The following NAV1 variants were observed in gnomAD, a reference collection of about 807,000 sequenced individuals.
The protein encoded by NAV1 is pore membrane and/or filament interacting like protein 3.
A neutral mutation model predicts 175.2 loss-of-function variants in NAV1; 18 were observed. The ratio of observed to expected loss-of-function variants is 0.10; its 90% CI spans 0.07 to 0.15. NAV1 has a LOEUF of 0.15. Among genes scored for constraint, NAV1 ranks in the 10% least tolerant of loss-of-function variants. The pLI is 1.00. For missense variants in NAV1, 1,731 were observed against 2,436.6 expected (o/e 0.71, Z 6.10); for synonymous variants, 897 against 978.7 (o/e 0.92, Z 1.56).
chr1:201,752,954 G>T (rs1479774786), intron 3 of NAV1, among the ~76,000 whole-genome samples: 2 of 152,040 alleles, frequency 1.3e-5, no homozygotes, highest in African/African-American at 2.4e-5. Flanking sequence ...TGCTAGTTTT[G>T]CACTGTTATT....
At chr1:201,794,238 G>C (rs544378169) in intron 14 of NAV1, 4 of 633,540 alleles carry the variant, frequency 6.3e-6, no homozygotes, top group South Asian at 4.5e-5. Flanking sequence ...TGCAAACTCT[G>C]CCTCCCAGGT....
chr1:201,817,421 T>A, intron 29 of NAV1, 136 bp downstream of exon 33: 1 of 733,140 alleles, frequency 1.4e-6, no homozygotes, highest in Non-Finnish European at 2.2e-6. Context: ...AAAACCAGCC[T>A]GGGCAACATA....
At chr1:201,809,365 C>T in intron 21 of NAV1, 77 bp from the exon 26 acceptor site, 1 of 1,586,702 alleles carries the variant, frequency 6.3e-7, no homozygotes, top group Non-Finnish European at 8.6e-7. Context: ...GAACTCAACT[C>T]CTAAGGCCTT....
At position 201,786,418 on chromosome 1, in the gene NAV1, G is replaced by T. The variant is rs1229955763; in HGVS notation, c.2847-11G>T. The T allele has an allele frequency of 6.2e-7, 1 of 1,609,432 alleles. No homozygotes were observed. The highest frequency in any genetic ancestry group is 2.2e-5 in the East Asian group (1 of 44,776). ...TAGTCCCAGACTGAGTTCTTCTGCT[G>T]CTTCCTACAGGTACCAGCTTCAGTC... is the stretch of plus-strand genomic sequence containing the variant. On this transcript the variant is annotated splice_polypyrimidine_tract_variant and intron_variant, in intron 8 of 29. Transcript: ENST00000367296.
At position 201,585,564 on chromosome 1, in the gene NAV1, A is replaced by G. The variant is rs1667001046; in HGVS notation, c.-143-2975A>G. Among the ~76,000 whole-genome samples the G allele has an allele frequency of 1.4e-4, 22 of 152,190 alleles. 1 individual carries two copies. Among genetic ancestry groups the G allele is most frequent in the Admixed American group, 1.4e-3 (21 of 15,276 alleles). ...AGGAAAAAAAATTTGCAAATCTTATATCTGATAAGGGTCTAGTATGTGGAA... is the reference window on the plus strand; with the variant it reads ...AGGAAAAAAAATTTGCAAATCTTATGTCTGATAAGGGTCTAGTATGTGGAA... On this transcript the variant is annotated intron_variant, in intron 1 of 33. Transcript: ENST00000685211.
At chr1:201,572,613 C>T (rs1313822822) in intron 1 of NAV1, among the ~76,000 whole-genome samples, 1 of 152,038 alleles carries the variant, frequency 6.6e-6, no homozygotes, top group Non-Finnish European at 1.5e-5. Context: ...CATGATCCAC[C>T]CGCCTCAGCC....
At chr1:201,706,668 C>T (rs1671682821) in intron 1 of NAV1, among the ~76,000 whole-genome samples, 1 of 152,202 alleles carries the variant, frequency 6.6e-6, no homozygotes, top group South Asian at 2.1e-4. Flanking sequence ...TCTGTTGGTT[C>T]CCACCTCATC....
chr1:201,725,147 C>T (rs974520092), intron 3 of NAV1, among the ~76,000 whole-genome samples: 6 of 152,172 alleles, frequency 3.9e-5, no homozygotes, highest in Non-Finnish European at 2.9e-5. Flanking sequence ...CCACCCTCAT[C>T]GATAAGAATT....
rs992088101 is a variant in NAV1, at chr1:201,614,204, C to CT, written c.-32-8642dup. 1.1e-4 allele frequency among the ~76,000 whole-genome samples: 17 copies of CT among 152,274 alleles called. No individual in the cohort carries two copies. The South Asian group carries it at 1.7e-3, about 15-fold the overall frequency. ...AATATTTTCCTTGTCCTCTTTCTTT[C>CT]TTTTTTTGGCATATCCAACCCCTAG... is the stretch of plus-strand genomic sequence containing the variant. On this transcript the variant is annotated intron_variant, in intron 2 of 33. Transcript: ENST00000685211.
Position 201,788,411 on chromosome 1 carries a change from G to A in NAV1, c.2996-57G>A, listed in dbSNP as rs1676906065. 8 of 1,594,684 alleles carry A rather than the reference G, an allele frequency of 5.0e-6. No homozygotes were observed. In the Admixed American group the frequency reaches 8.3e-5, roughly 17 times the overall value. ...AAGGGCCCGGAGAGCTGATGACCCT[G>A]CCTCTTTTCCTGCCCTCCTGCTCCC... On this transcript the variant is annotated intron_variant, in intron 9 of 29. Transcript: ENST00000367296. The surrounding 1 kb of genome is among the most constrained non-coding windows in gnomAD (Gnocchi z 5.7).
chr1:201,552,705 G>A (rs1281938892), intron 1 of NAV1, among the ~76,000 whole-genome samples: 1 of 152,180 alleles, frequency 6.6e-6, no homozygotes, highest in Admixed American at 6.5e-5. Context: ...TAATTTGGAT[G>A]CCCCGTGGCT....
At chr1:201,761,293 G>A (rs979347845) in intron 3 of NAV1, among the ~76,000 whole-genome samples, 2 of 152,228 alleles carry the variant, frequency 1.3e-5, no homozygotes, top group African/African-American at 4.8e-5. Context: ...GGAATAATGT[G>A]TTCAGAGGGA....
intron 1 of NAV1, among the ~76,000 whole-genome samples, chr1:201,552,691 T>A (rs574403940): frequency 1.3e-5 from 2 of 152,258 alleles, no homozygotes; most frequent in East Asian, 1.9e-4. Flanking sequence ...ATTCTTATGG[T>A]CCTTAATTTG....
intron 3 of NAV1, among the ~76,000 whole-genome samples, chr1:201,743,751 T>G (rs1410035050): frequency 1.3e-5 from 2 of 152,210 alleles, no homozygotes; most frequent in Non-Finnish European, 2.9e-5. Flanking sequence ...TATCTCTGAT[T>G]TTTACTTAAA....
At chr1:201,584,792 A>C (rs879720389) in intron 1 of NAV1, among the ~76,000 whole-genome samples, 2 of 152,222 alleles carry the variant, frequency 1.3e-5, no homozygotes, top group Non-Finnish European at 2.9e-5. Flanking sequence ...CAGTTCACTC[A>C]TCTGCCCCTG....
chr1:201,744,475 A>G (rs1673645078), intron 3 of NAV1, among the ~76,000 whole-genome samples: 1 of 152,202 alleles, frequency 6.6e-6, no homozygotes, highest in Non-Finnish European at 1.5e-5. Context: ...ATGTTTTCTT[A>G]CAATGAAAAC....
At chr1:201,595,444 T>C (rs1354146734) in intron 2 of NAV1, among the ~76,000 whole-genome samples, 2 of 152,246 alleles carry the variant, frequency 1.3e-5, no homozygotes, top group African/African-American at 4.8e-5. Flanking sequence ...ATTCTCTGGC[T>C]CAGTGGCTAT....
At chr1:201,645,954 G>T (rs1202059681), upstream of NAV1, among the ~76,000 whole-genome samples, 3 of 152,212 alleles carry the variant, frequency 2.0e-5, no homozygotes, top group Non-Finnish European at 2.9e-5. Flanking sequence ...CTGTAGAAGT[G>T]ATGGCTTGTG....
At chr1:201,624,051 TAGTA>T (rs1668253788) in intron 1 of NAV1, among the ~76,000 whole-genome samples, 1 of 152,038 alleles carries the variant, frequency 6.6e-6, no homozygotes, top group Non-Finnish European at 1.5e-5. Flanking sequence ...CGCCTTTACT[TAGTA>T]AGTAAAATCT....
Sources: allele counts gnomAD v4.1 joint callset (sites outside exome capture counted in the v4.1 genomes callset), GRCh38; gene constraint gnomAD v4.1.1; non-coding constraint Gnocchi (gnomAD v3.1); transcripts MANE v1.5; gene names NCBI Gene and HGNC (gene_info 2026-07-23, HGNC 2026-07-21).